Variants in TAOK1 observed in about 807,000 individuals in gnomAD.
The protein encoded by TAOK1 is TAO kinase 1.
Under a neutral mutation model 138.3 loss-of-function variants are expected in TAOK1, and 21 were observed. The observed-to-expected ratio is 0.15, with a 90% CI of 0.11 to 0.22. The LOEUF is 0.22. Among genes scored for constraint, TAOK1 ranks in the 10% least tolerant of loss-of-function variants. TAOK1 has a pLI of 1.00. For synonymous variants in TAOK1, 361 were observed against 398.4 expected, an observed-to-expected ratio of 0.91 and a Z score of 1.12; for missense variants, 651 against 1,227.7, an observed-to-expected ratio of 0.53 and a Z score of 7.02.
At chr17:29,407,431 G>T (rs1259932333) in intron 1 of TAOK1, among the ~76,000 whole-genome samples, 1 of 151,886 alleles carries the variant, frequency 6.6e-6, no homozygotes, top group Non-Finnish European at 1.5e-5. Context: ...ATTGCCTGAC[G>T]GAGATAATCT....
intron 1 of TAOK1, among the ~76,000 whole-genome samples, chr17:29,430,890 G>A (rs1905806768): frequency 6.6e-5 from 10 of 152,122 alleles, no homozygotes; most frequent in Admixed American, 5.2e-4. Context: ...ATGGCCAGGG[G>A]TAGTATCTTC....
intron 1 of TAOK1, among the ~76,000 whole-genome samples, chr17:29,397,623 T>TAC (rs143233799): frequency 0.21 from 13,250 of 64,188 alleles, 1,492 homozygotes; most frequent in East Asian, 0.59. Context: ...AATATATATA[T>TAC]ATATATACAT....
chr17:29,504,490 G>A (rs1263753415), intron 13 of TAOK1, among the ~76,000 whole-genome samples: 1 of 151,714 alleles, frequency 6.6e-6, no homozygotes. Context: ...CCAACATGGT[G>A]AAACCTCATC....
intron 1 of TAOK1, among the ~76,000 whole-genome samples, chr17:29,432,325 T>G (rs1422305624): frequency 2.0e-5 from 3 of 152,250 alleles, no homozygotes; most frequent in African/African-American, 7.2e-5. Context: ...TGGTATTGTT[T>G]GTGGCTTAGG....
At chr17:29,528,423 C>G (rs1489824900) in intron 17 of TAOK1, among the ~76,000 whole-genome samples, 1 of 152,102 alleles carries the variant, frequency 6.6e-6, no homozygotes, top group Non-Finnish European at 1.5e-5. Flanking sequence ...ATATCTCTAC[C>G]TAGTTTATTC....
Position 29,482,257 on chromosome 17 carries a change from G to C in TAOK1, c.624G>C (p.Val208=). The C allele has an allele frequency of 6.2e-7, 1 of 1,612,832 alleles. No homozygotes were observed. Among genetic ancestry groups the C allele is most frequent in the Non-Finnish European group, 8.5e-7 (1 of 1,179,466 alleles). The change falls in exon 8 of 20, where the codon GTG becomes GTC. Residue 208 remains valine (V), a synonymous_variant. Coordinates refer to ENST00000261716, the MANE Select transcript of TAOK1 (RefSeq NM_020791.4). ...GACAATATGATGGCAAAGTAGATGT[G>C]TGGTCTCTTGGAATAACATGTATTG... is the stretch of plus-strand genomic sequence containing the variant. The part of the protein sequence containing the change: ...DEGQYDGKVD[V]WSLGITCIEL...
At chr17:29,482,325 G>C in intron 8 of TAOK1, 37 bp downstream of exon 8, 1 of 1,511,464 alleles carries the variant, frequency 6.6e-7, no homozygotes, top group Non-Finnish European at 9.1e-7. Flanking sequence ...ATTAAGTTTT[G>C]ATCAATGTTT....
chr17:29,495,729 T>TA lies in TAOK1; in HGVS notation c.999+4dup, dbSNP rs773859261. ...GTAGAAGCACAGGAAGAAGAAGAGG[T>TA]AAGAGATAAAAAAATGACTCCAATA... On this transcript the variant is annotated splice_region_variant and intron_variant, in intron 11 of 19. Coordinates refer to ENST00000261716, the MANE Select transcript of TAOK1 (RefSeq NM_020791.4). The TA allele has an allele frequency of 6.3e-7, 1 of 1,588,620 alleles. No individual in the cohort carries two copies. Among genetic ancestry groups the TA allele is most frequent in the Non-Finnish European group, 8.6e-7 (1 of 1,168,072 alleles).
chr17:29,481,525 A>C (rs1567730427), intron 7 of TAOK1, among the ~76,000 whole-genome samples: 3 of 152,112 alleles, frequency 2.0e-5, no homozygotes, highest in African/African-American at 7.2e-5. Context: ...CCTGAGACCA[A>C]AATATTTGAG....
chr17:29,525,224 C>T (rs971577245), intron 17 of TAOK1, among the ~76,000 whole-genome samples: 4 of 151,954 alleles, frequency 2.6e-5, no homozygotes, highest in East Asian at 1.9e-4. Flanking sequence ...GCAATGCTCC[C>T]GCCTCAGCCT....
At position 29,490,115 on chromosome 17, in the gene TAOK1, C is replaced by T. The variant is rs567225079; in HGVS notation, c.749+358C>T. On this transcript the variant is annotated intron_variant, in intron 9 of 19. Coordinates refer to ENST00000261716, the MANE Select transcript of TAOK1 (RefSeq NM_020791.4). ...AACTAAAATATATGTATTATTACAA[C>T]CTATAGTGATATTTGATTGGAGGGA... Among the ~76,000 whole-genome samples the T allele has an allele frequency of 4.1e-3, 424 of 104,568 alleles. 1 individual carries two copies. Among genetic ancestry groups the T allele is most frequent in the Admixed American group, 6.1e-3 (54 of 8,810 alleles). 68.6% of individuals were successfully genotyped at this position (104,568 alleles called of 152,430 possible). A position where few individuals can be genotyped will look rare whatever the true frequency, so the allele number is the denominator to read the frequency against.
At chr17:29,488,463 G>GGGAGGCTGAGACAGGAGAGAATCA (rs1364862732) in intron 8 of TAOK1, among the ~76,000 whole-genome samples, 2 of 147,816 alleles carry the variant, frequency 1.4e-5, no homozygotes, top group African/African-American at 4.9e-5. Context: ...CCAGGTACTC[G>GGGAGGCTGAGACAGGAGAGAATCA]GGAGGCTGAG....
At chr17:29,523,262 C>T (rs1380545796) in intron 17 of TAOK1, among the ~76,000 whole-genome samples, 6 of 151,588 alleles carry the variant, frequency 4.0e-5, no homozygotes, top group Admixed American at 3.9e-4. Flanking sequence ...AAGTTTAAAG[C>T]TGCACAGCTA....
chr17:29,417,067 G>A (rs9907917), intron 1 of TAOK1, among the ~76,000 whole-genome samples: 3,207 of 152,148 alleles, frequency 0.021, 111 homozygotes, highest in African/African-American at 0.073. Flanking sequence ...AGGCGGGAGT[G>A]CAGTGGCACT....
At chr17:29,463,888 A>G (rs142787897) in intron 2 of TAOK1, among the ~76,000 whole-genome samples, 60 of 152,352 alleles carry the variant, frequency 3.9e-4, no homozygotes, top group Middle Eastern at 3.4e-3. Context: ...ACTCAATTTT[A>G]AAAATAGGCA....
At chr17:29,476,035 A>G (rs184683020) in intron 4 of TAOK1, among the ~76,000 whole-genome samples, 1 of 152,350 alleles carries the variant, frequency 6.6e-6, no homozygotes, top group Admixed American at 6.5e-5. Flanking sequence ...TTTTAGTAGT[A>G]CCATTCAAAC....
rs564481497 is a variant in TAOK1, at chr17:29,397,740, CGT to C, written c.-95+6717_-95+6718del. Among the ~76,000 whole-genome samples, 969 of 102,452 alleles carry C rather than the reference CGT, an allele frequency of 9.5e-3. 11 individuals are homozygous for C. Among genetic ancestry groups the C allele is most frequent in the African/African-American group, 0.043 (911 of 21,204 alleles). The allele number at this position is 102,452 out of a possible 152,430, so 67.2% of individuals were successfully genotyped here. ...ACATGTATGTATATACATATATACA[CGT>C]ATATATACACGTATGTATATATGTA... is the stretch of plus-strand genomic sequence containing the variant. On this transcript the variant is annotated intron_variant, in intron 1 of 19. Coordinates refer to ENST00000261716, the MANE Select transcript of TAOK1 (RefSeq NM_020791.4).
intron 1 of TAOK1, among the ~76,000 whole-genome samples, chr17:29,413,391 G>C (rs1905190583): frequency 6.6e-6 from 1 of 152,102 alleles, no homozygotes; most frequent in South Asian, 2.1e-4. Context: ...GAGCTCAGGA[G>C]TTCAGACCAG....
chr17:29,488,576 AAATAAT>A (rs150004739), intron 8 of TAOK1, among the ~76,000 whole-genome samples: 5,623 of 145,458 alleles, frequency 0.039, 365 homozygotes, highest in African/African-American at 0.13. Flanking sequence ...ACATCTCAAA[AAATAAT>A]AATAATAATA....
Sources: allele counts gnomAD v4.1 joint callset (sites outside exome capture counted in the v4.1 genomes callset), GRCh38; gene constraint gnomAD v4.1.1; transcripts MANE v1.5; gene names NCBI Gene and HGNC (gene_info 2026-07-23, HGNC 2026-07-21).